AK5: variants seen among roughly 807,000 people sequenced by gnomAD.
The protein encoded by AK5 is adenylate kinase isoenzyme 5.
AK5 carries 27 observed loss-of-function variants against 69.5 expected under a neutral mutation model. The ratio of observed to expected loss-of-function variants is 0.39; its 90% CI spans 0.29 to 0.54. The LOEUF (loss-of-function observed/expected upper bound fraction) is 0.54. AK5 is among the 20% of genes least tolerant of loss of function. The probability of loss-of-function intolerance (pLI) is 0.71; values close to 1 mark genes in which losing one functional copy is unlikely to be tolerated. For missense variants in AK5, 531 were observed against 700.4 expected (o/e 0.76, Z 2.73); for synonymous variants, 260 against 244.4 (o/e 1.06, Z -0.60).
At chr1:77,302,209 T>G (rs1354854553) in intron 5 of AK5, among the ~76,000 whole-genome samples, 1 of 45,306 alleles carries the variant, frequency 2.2e-5, no homozygotes, top group Non-Finnish European at 5.4e-5. Flanking sequence ...GAGACCTATT[T>G]TAAGTTAAAA....
chr1:77,302,916 G>A (rs1659421562), intron 5 of AK5, among the ~76,000 whole-genome samples: 2 of 152,114 alleles, frequency 1.3e-5, no homozygotes, highest in South Asian at 4.1e-4. Context: ...GTTATGCAAT[G>A]ACATAACAGG....
At chr1:77,289,495 A>G (rs961934087) in intron 2 of AK5, among the ~76,000 whole-genome samples, 4 of 152,184 alleles carry the variant, frequency 2.6e-5, no homozygotes, top group Admixed American at 1.3e-4. Flanking sequence ...TTAAAGTACT[A>G]ATAAACCTCA....
chr1:77,470,467 T>G (rs1301625390), intron 8 of AK5, among the ~76,000 whole-genome samples: 2 of 152,154 alleles, frequency 1.3e-5, no homozygotes, highest in African/African-American at 4.8e-5. Context: ...ATGATGCCAC[T>G]GCACTCCAGC....
At chr1:77,322,900 T>C (rs1315795540) in intron 5 of AK5, among the ~76,000 whole-genome samples, 1 of 152,198 alleles carries the variant, frequency 6.6e-6, no homozygotes, top group Non-Finnish European at 1.5e-5. Flanking sequence ...TGCCCTATTT[T>C]GTAAGAGAGA....
At chr1:77,458,727 C>G (rs958643448) in intron 8 of AK5, among the ~76,000 whole-genome samples, 5 of 152,184 alleles carry the variant, frequency 3.3e-5, no homozygotes, top group African/African-American at 1.2e-4. Flanking sequence ...AATTATCTCC[C>G]ACCAGGTCCC....
At chr1:77,353,621 C>A (rs990736539) in intron 6 of AK5, among the ~76,000 whole-genome samples, 1 of 152,232 alleles carries the variant, frequency 6.6e-6, no homozygotes, top group African/African-American at 2.4e-5. Context: ...CTTACCCACT[C>A]TGCGTCTCAC....
intron 8 of AK5, among the ~76,000 whole-genome samples, chr1:77,420,648 A>G (rs1307809863): frequency 1.3e-5 from 2 of 152,258 alleles, no homozygotes; most frequent in African/African-American, 4.8e-5. Flanking sequence ...CCATAAAGCT[A>G]GCAAGCTGTA....
At chr1:77,377,108 C>G (rs993822511) in intron 6 of AK5, among the ~76,000 whole-genome samples, 1 of 152,160 alleles carries the variant, frequency 6.6e-6, no homozygotes, top group Non-Finnish European at 1.5e-5. Context: ...GGCTGTTTCT[C>G]CCCTCAGATT....
intron 8 of AK5, among the ~76,000 whole-genome samples, chr1:77,432,811 C>T (rs546138756): frequency 3.3e-5 from 5 of 152,168 alleles, no homozygotes; most frequent in African/African-American, 1.2e-4. Flanking sequence ...TGAGCAGAAG[C>T]TGCTGATTGT....
chr1:77,345,477 A>C (rs952437913), intron 6 of AK5, among the ~76,000 whole-genome samples: 2 of 152,212 alleles, frequency 1.3e-5, no homozygotes, highest in Admixed American at 6.5e-5. Flanking sequence ...TAATTTTAGT[A>C]CTTACTAGAC....
At chr1:77,437,717 ATTTG>A (rs967449983) in intron 8 of AK5, among the ~76,000 whole-genome samples, 1 of 152,146 alleles carries the variant, frequency 6.6e-6, no homozygotes, top group African/African-American at 2.4e-5. Context: ...TTATCTTTTT[ATTTG>A]TTTGTCTGAT....
At chr1:77,367,719 TAA>T in intron 6 of AK5, among the ~76,000 whole-genome samples, 1 of 94,724 alleles carries the variant, frequency 1.1e-5, no homozygotes, top group Non-Finnish European at 1.9e-5. Flanking sequence ...ATGTTATATA[TAA>T]TATATGTTAT....
intron 6 of AK5, among the ~76,000 whole-genome samples, chr1:77,348,770 CAA>C (rs1053962697): frequency 6.6e-6 from 1 of 152,046 alleles, no homozygotes; most frequent in Non-Finnish European, 1.5e-5. Context: ...CACACACACA[CAA>C]ACACATATTT....
At chr1:77,327,236 A>C (rs2100342454) in intron 5 of AK5, among the ~76,000 whole-genome samples, 1 of 152,166 alleles carries the variant, frequency 6.6e-6, no homozygotes, top group South Asian at 2.1e-4. Context: ...ATACATAAGT[A>C]AATAAATAAA....
rs1661592699 is a variant in AK5, at chr1:77,340,451, A to G, written c.774A>G (p.Ala258=). ...QRLKERLLKR[A]EQQGRPDDNV... ...TCAAAGAAAGATTACTGAAGCGTGC[A>G]GAACAGCAGGGCCGACCAGACGACA... Residue 258 remains alanine, a synonymous_variant, in exon 6 of 14, where the codon GCA becomes GCG. Transcript: ENST00000354567. 1 of 1,614,058 alleles carries G rather than the reference A, an allele frequency of 6.2e-7. No homozygotes were observed.
intron 8 of AK5, among the ~76,000 whole-genome samples, chr1:77,472,803 G>A (rs1654604708): frequency 9.7e-6 from 1 of 103,472 alleles, no homozygotes; most frequent in Admixed American, 9.8e-5. Context: ...TCTTCTGGAG[G>A]CTCTAGGGAG....
At chr1:77,303,855 C>CT (rs1279194956) in intron 5 of AK5, among the ~76,000 whole-genome samples, 3 of 152,060 alleles carry the variant, frequency 2.0e-5, no homozygotes, top group Admixed American at 6.6e-5. Flanking sequence ...CTTTTTTAAA[C>CT]TTTTTTTATT....
At chr1:77,549,297 T>C (rs1167689098) in intron 13 of AK5, among the ~76,000 whole-genome samples, 1 of 152,190 alleles carries the variant, frequency 6.6e-6, no homozygotes, top group East Asian at 1.9e-4. Flanking sequence ...GTTTATTTCT[T>C]CCTTAAAACT....
chr1:77,477,031 C>CGT (rs1453835816), intron 8 of AK5, among the ~76,000 whole-genome samples: 3 of 68,912 alleles, frequency 4.4e-5, no homozygotes, highest in African/African-American at 1.4e-4. Context: ...TGTGTGTGTG[C>CGT]GTGTGTGTGT....
Sources: gnomAD v4.1 joint callset for allele counts (sites outside exome capture counted in the v4.1 genomes callset) on GRCh38, gnomAD v4.1.1 for gene constraint, MANE v1.5 for transcripts, NCBI Gene and HGNC (gene_info 2026-07-23, HGNC 2026-07-21) for gene names.